The following TSPAN9 variants were observed in gnomAD, a reference collection of about 807,000 sequenced individuals.
TSPAN9 encodes tetraspanin-9.
Under a neutral mutation model 31.0 loss-of-function variants are expected in TSPAN9, and 16 were observed. The observed-to-expected ratio is 0.52, with a 90% CI of 0.35 to 0.78. The LOEUF (loss-of-function observed/expected upper bound fraction) is 0.78. Among genes scored for constraint, TSPAN9 ranks in the 30% least tolerant of loss-of-function variants. TSPAN9 has a pLI of 0.01. For synonymous variants in TSPAN9, 145 were observed against 121.6 expected (o/e 1.19, Z -1.27); for missense variants, 272 against 312.5 (o/e 0.87, Z 0.98).
At chr12:3,237,687 A>G (rs926695466) in intron 3 of TSPAN9, among the ~76,000 whole-genome samples, 1 of 152,198 alleles carries the variant, frequency 6.6e-6, no homozygotes, top group Non-Finnish European at 1.5e-5. Context: ...TGGCAGTTTT[A>G]TGATGTAGGG....
rs543027149 is a variant in TSPAN9, at chr12:3,237,817, C to T, written c.63+36561C>T. Among the ~76,000 whole-genome samples the T allele has an allele frequency of 9.8e-5, 15 of 152,346 alleles. No homozygotes were observed. The South Asian group carries it at 1.7e-3, about 17-fold the overall frequency. ...CCCTCCAGCTGTCCCTGAGTCCACA[C>T]AGCCAGCTGCTGCCTGCTGCGAAAG... is the stretch of plus-strand genomic sequence containing the variant. On this transcript the variant is annotated intron_variant, in intron 3 of 8. Coordinates refer to ENST00000011898, the MANE Select transcript of TSPAN9 (RefSeq NM_006675.5).
chr12:3,282,370 CAA>C (rs1264159600), intron 8 of TSPAN9, among the ~76,000 whole-genome samples: 2 of 152,148 alleles, frequency 1.3e-5, no homozygotes, highest in Admixed American at 6.5e-5. Context: ...CACAAGCAGA[CAA>C]GAGAGGCTTG....
At chr12:3,109,428 G>A (rs1052240535) in intron 2 of TSPAN9, among the ~76,000 whole-genome samples, 1 of 151,724 alleles carries the variant, frequency 6.6e-6, no homozygotes, top group Non-Finnish European at 1.5e-5. Flanking sequence ...AAGGTGATTG[G>A]AACTTGTGTG....
chr12:3,177,653 G>A (rs1306350213), intron 2 of TSPAN9, among the ~76,000 whole-genome samples: 1 of 151,972 alleles, frequency 6.6e-6, no homozygotes, highest in Non-Finnish European at 1.5e-5. Context: ...AGCTGTCCTT[G>A]AACTTCTGAC....
chr12:3,273,998 ATGTTGGC>A (rs1862734171), intron 3 of TSPAN9, among the ~76,000 whole-genome samples: 2 of 151,788 alleles, frequency 1.3e-5, no homozygotes, highest in South Asian at 4.2e-4. Flanking sequence ...TGTTCTCAAG[ATGTTGGC>A]AGCCCAAGGG....
intron 3 of TSPAN9, among the ~76,000 whole-genome samples, chr12:3,247,141 G>T (rs181760815): frequency 5.9e-5 from 9 of 152,276 alleles, no homozygotes; most frequent in African/African-American, 1.2e-4. Context: ...TTAAGAAGGT[G>T]TCTTGGGAAT....
At chr12:3,141,349 C>G (rs2098334757) in intron 2 of TSPAN9, among the ~76,000 whole-genome samples, 1 of 152,152 alleles carries the variant, frequency 6.6e-6, no homozygotes, top group Non-Finnish European at 1.5e-5. Context: ...CACCCAGTGG[C>G]TTTTCCAGCC....
intron 3 of TSPAN9, among the ~76,000 whole-genome samples, chr12:3,218,238 A>G (rs73041797): frequency 0.084 from 12,855 of 152,156 alleles, 764 homozygotes; most frequent in Middle Eastern, 0.14. Flanking sequence ...ACCAACCCCA[A>G]CTTCCTCGGG....
rs2098349570 is a variant in TSPAN9 at position 3,168,120 on chromosome 12, G to C, written c.-17-33057G>C. Reference sequence around the variant, plus strand: ...TGTGCCACAGAAGCCCAGGCCGGGGGAGACCACACCACCGTTCCACCGTTT... The same window carrying C: ...TGTGCCACAGAAGCCCAGGCCGGGGCAGACCACACCACCGTTCCACCGTTT... On this transcript the variant is annotated intron_variant, in intron 2 of 8. Coordinates refer to ENST00000011898, the MANE Select transcript of TSPAN9 (RefSeq NM_006675.5). This position sits in a 1 kb window ranked among gnomAD's most constrained non-coding sequence, Gnocchi z 4.0. Among the ~76,000 whole-genome samples, 1 of 152,162 alleles carries C rather than the reference G, an allele frequency of 6.6e-6. No individual in the cohort carries two copies. Among genetic ancestry groups the C allele is most frequent in the Admixed American group, 6.5e-5 (1 of 15,282 alleles).
At chr12:3,100,883 G>C (rs1170834210) in intron 2 of TSPAN9, among the ~76,000 whole-genome samples, 4 of 152,216 alleles carry the variant, frequency 2.6e-5, no homozygotes, top group Non-Finnish European at 5.9e-5. Flanking sequence ...TCAGTGCTAG[G>C]TGGCCAATGT....
intron 2 of TSPAN9, among the ~76,000 whole-genome samples, chr12:3,155,635 C>T (rs1288729586): frequency 2.0e-5 from 3 of 151,970 alleles, no homozygotes; most frequent in Non-Finnish European, 4.4e-5. Flanking sequence ...AGCAAGACCA[C>T]GTCTTCCTTT....
chr12:3,111,870 C>T (rs1400945136), intron 2 of TSPAN9, among the ~76,000 whole-genome samples: 1 of 152,138 alleles, frequency 6.6e-6, no homozygotes, highest in Non-Finnish European at 1.5e-5. Flanking sequence ...CCTTGGCCTC[C>T]CAAGGTGCTG....
intron 2 of TSPAN9, among the ~76,000 whole-genome samples, chr12:3,163,255 G>A (rs1167594487): frequency 1.3e-5 from 2 of 152,218 alleles, no homozygotes; most frequent in East Asian, 1.9e-4. Flanking sequence ...CCTGCCAACT[G>A]TTCAAGGGCC....
At chr12:3,169,364 A>G (rs1315473050) in intron 2 of TSPAN9, among the ~76,000 whole-genome samples, 1 of 152,194 alleles carries the variant, frequency 6.6e-6, no homozygotes, top group East Asian at 1.9e-4. Flanking sequence ...TCTGGTGGAA[A>G]GACCTTTGGC....
rs149085011 is a variant in TSPAN9 at position 3,127,360 on chromosome 12, AT to A, written c.-18+43654del. On this transcript the variant is annotated intron_variant, in intron 2 of 8. Coordinates refer to ENST00000011898, the MANE Select transcript of TSPAN9 (RefSeq NM_006675.5). ...CCGTTTTACTTAACTTTAAAGAAAA[AT>A]TTTTTTTTTTTTGAGACGGAGTCTT... Among the ~76,000 whole-genome samples the A allele has an allele frequency of 9.6e-4, 145 of 150,718 alleles. 1 individual carries two copies. The highest frequency in any genetic ancestry group is 3.3e-3 in the African/African-American group (138 of 41,216).
rs1862882770 is a variant in TSPAN9, at chr12:3,281,086, G to T, written c.433-112G>T. 2.7e-6 allele frequency: 4 copies of T among 1,500,908 alleles called. No individual in the cohort carries two copies. In the Admixed American group the frequency reaches 9.5e-5, roughly 36 times the overall value. The allele number at this position is 1,500,908 out of a possible 1,614,324, so 93.0% of individuals were successfully genotyped here. A position where few individuals can be genotyped will look rare whatever the true frequency, so the allele number is the denominator to read the frequency against. On this transcript the variant is annotated intron_variant, in intron 6 of 8. Transcript: ENST00000011898. Reference sequence around the variant, plus strand: ...AAGCCCTTTGTCTCCTCCCTTAACTGCAGGGTGGCCACTTTTGCGGGGACT... The same window carrying T: ...AAGCCCTTTGTCTCCTCCCTTAACTTCAGGGTGGCCACTTTTGCGGGGACT...
At chr12:3,259,468 A>G (rs771932433) in intron 3 of TSPAN9, among the ~76,000 whole-genome samples, 2 of 152,228 alleles carry the variant, frequency 1.3e-5, no homozygotes, top group Admixed American at 1.3e-4. Context: ...TGTGCCTGGC[A>G]CAGTGCATCA....
intron 2 of TSPAN9, among the ~76,000 whole-genome samples, chr12:3,087,650 A>G (rs1334360786): frequency 1.3e-5 from 2 of 152,072 alleles, no homozygotes; most frequent in Admixed American, 6.6e-5. Context: ...TACTAAAAAT[A>G]CAAAAATTAG....
At chr12:3,197,561 G>GCACTCAGAATGGGAGAGCTC (rs896572302) in intron 2 of TSPAN9, among the ~76,000 whole-genome samples, 8 of 152,300 alleles carry the variant, frequency 5.3e-5, no homozygotes, top group Middle Eastern at 6.8e-3. Flanking sequence ...TAGGGGAGCT[G>GCACTCAGAATGGGAGAGCTC]CACTCAGAAT....
Sources: gnomAD v4.1 joint callset for allele counts (sites outside exome capture counted in the v4.1 genomes callset) on GRCh38, gnomAD v4.1.1 for gene constraint, Gnocchi (gnomAD v3.1) non-coding constraint, MANE v1.5 for transcripts, NCBI Gene and HGNC (gene_info 2026-07-23, HGNC 2026-07-21) for gene names.